DCAF4: variants seen among roughly 807,000 people sequenced by gnomAD.
DCAF4 encodes DDB1- and CUL4-associated factor 4.
In DCAF4, 37 loss-of-function variants were observed where a neutral mutation model predicts 60.9. The ratio of observed to expected loss-of-function variants is 0.61; its 90% CI spans 0.47 to 0.80. The LOEUF (loss-of-function observed/expected upper bound fraction) is 0.80, where lower values mean the gene tolerates loss of function less well. DCAF4 is among the 30% of genes least tolerant of loss of function. The pLI is 0.00. For missense variants in DCAF4, 577 were observed against 650.0 expected, an observed-to-expected ratio of 0.89 and a Z score of 1.22; for synonymous variants, 243 against 254.8, an observed-to-expected ratio of 0.95 and a Z score of 0.44.
At chr14:72,935,935 T>C (rs555448205) in intron 1 of DCAF4, among the ~76,000 whole-genome samples, 14 of 152,254 alleles carry the variant, frequency 9.2e-5, no homozygotes, top group African/African-American at 3.1e-4. Flanking sequence ...TTTATGTCAG[T>C]AGAGTTTATT....
Position 72,959,376 on chromosome 14 carries a change from T to A in DCAF4, c.*571T>A, listed in dbSNP as rs532917932. ...CAGCAGATCTCCGGGATTCTGCTGT[T>A]ATTATCCAAAGGCGTTGGAAGGAAA... On this transcript the variant is annotated 3_prime_UTR_variant, in exon 14 of 14. Coordinates refer to ENST00000358377, the MANE Select transcript of DCAF4 (RefSeq NM_015604.4). The A allele has an allele frequency of 1.0e-6, 1 of 985,534 alleles. No homozygotes were observed. The highest frequency in any genetic ancestry group is 1.7e-5 in the African/African-American group (1 of 57,370). 61.0% of individuals were successfully genotyped at this position (985,534 alleles called of 1,614,324 possible).
At chr14:72,954,727 G>A (rs1892047980) in intron 11 of DCAF4, among the ~76,000 whole-genome samples, 1 of 152,114 alleles carries the variant, frequency 6.6e-6, no homozygotes, top group African/African-American at 2.4e-5. Flanking sequence ...CAGTTCTTGG[G>A]TACTTGGATT....
downstream of DCAF4, chr14:72,960,855 A>C: frequency 5.8e-6 from 1 of 172,848 alleles, no homozygotes. Context: ...GCTAATAAGC[A>C]CCTACTGTAT....
downstream of DCAF4, chr14:72,961,710 T>G (rs542269064): frequency 2.0e-5 from 11 of 550,622 alleles, no homozygotes; most frequent in Admixed American, 6.4e-5. Context: ...GCTCAGGACA[T>G]TTGAGGATTG....
At chr14:72,953,345 T>G (rs941337591) in intron 9 of DCAF4, among the ~76,000 whole-genome samples, 1 of 152,082 alleles carries the variant, frequency 6.6e-6, no homozygotes, top group Non-Finnish European at 1.5e-5. Flanking sequence ...CATGGCTATA[T>G]TTAGTTTGTG....
At chr14:72,961,926 C>T (rs1892836088), downstream of DCAF4, 2 of 1,144,866 alleles carry the variant, frequency 1.7e-6, no homozygotes, top group Non-Finnish European at 2.2e-6. Context: ...GGTTTGGCTA[C>T]CGCGGGAACA....
chr14:72,960,104 G>C (rs913856571), downstream of DCAF4, among the ~76,000 whole-genome samples: 11 of 143,010 alleles, frequency 7.7e-5, no homozygotes, highest in Admixed American at 2.3e-4. Flanking sequence ...TTACCCACTT[G>C]AATGTTTCCT....
intron 8 of DCAF4, among the ~76,000 whole-genome samples, chr14:72,947,655 C>T (rs1425822716): frequency 3.3e-5 from 5 of 152,246 alleles, no homozygotes; most frequent in African/African-American, 1.2e-4. Flanking sequence ...CCAGCTCCTC[C>T]TGAGGCCAGG....
intron 6 of DCAF4, among the ~76,000 whole-genome samples, chr14:72,944,789 C>A (rs1208353052): frequency 6.6e-6 from 1 of 151,744 alleles, no homozygotes; most frequent in Non-Finnish European, 1.5e-5. Flanking sequence ...AAGACTCTGT[C>A]TCAAGAGAAA....
intron 3 of DCAF4, 48 bp from the exon 4 acceptor site, chr14:72,940,172 T>A: frequency 6.2e-7 from 1 of 1,609,200 alleles, no homozygotes; most frequent in Non-Finnish European, 8.5e-7. Context: ...ACTCAGGTGG[T>A]CAGTTCACAG....
rs1459013188 is a variant in DCAF4, at chr14:72,958,824, A to G, written c.*19A>G. 1 of 1,526,916 alleles carries G rather than the reference A, an allele frequency of 6.5e-7. No homozygotes were observed. The highest frequency in any genetic ancestry group is 1.4e-5 in the African/African-American group (1 of 71,894). The allele number at this position is 1,526,916 out of a possible 1,614,324, so 94.6% of individuals were successfully genotyped here. On this transcript the variant is annotated 3_prime_UTR_variant, in exon 14 of 14. Transcript: ENST00000358377. The stretch of plus-strand genomic sequence containing the variant: ...CAGCTAATTCTGCAGGGCACAGCCC[A>G]GAGCCATGTGGATTTGACTTACGGG...
At position 72,956,486 on chromosome 14, in the gene DCAF4, G is replaced by A; in HGVS notation, c.1280G>A (p.Gly427Glu). 2 of 1,612,084 alleles carry A rather than the reference G, an allele frequency of 1.2e-6. No individual in the cohort carries two copies. Among genetic ancestry groups the A allele is most frequent in the South Asian group, 2.2e-5 (2 of 90,594 alleles). Residue 427 changes from glycine to glutamate, a missense_variant, in exon 13 of 14, where the codon GGA (glycine) becomes GAA (glutamate). Transcript: ENST00000358377. Reference sequence around the variant, plus strand: ...CCCCTGCATGTGCACGAGGAAGAAGGAATCCTGGTGGCAGGTACTTGAGGA... The same window carrying A: ...CCCCTGCATGTGCACGAGGAAGAAGAAATCCTGGTGGCAGGTACTTGAGGA... Reference protein sequence around the residue: ...YLPLHVHEEEGILVAVGQDCY... With the variant: ...YLPLHVHEEEEILVAVGQDCY...
At chr14:72,928,361 C>T (rs10873253) in intron 1 of DCAF4, among the ~76,000 whole-genome samples, 142,313 of 151,198 alleles carry the variant, frequency 0.94, 67,089 homozygotes, top group East Asian at 1. Context: ...GCCCGGCTAA[C>T]TTTTTGTATT....
chr14:72,931,872 C>T (rs1032062501), intron 1 of DCAF4, among the ~76,000 whole-genome samples: 12 of 151,890 alleles, frequency 7.9e-5, no homozygotes, highest in Admixed American at 1.3e-4. Context: ...AGATAAATCG[C>T]GCTTGGTCTT....
chr14:72,945,679 A>G (rs1464568008), intron 6 of DCAF4, among the ~76,000 whole-genome samples: 1 of 152,138 alleles, frequency 6.6e-6, no homozygotes, highest in African/African-American at 2.4e-5. Flanking sequence ...TTGAATTGTT[A>G]GATCAGACAC....
At chr14:72,932,880 T>TTTTCTTTC (rs142782008) in intron 1 of DCAF4, among the ~76,000 whole-genome samples, 1 of 151,362 alleles carries the variant, frequency 6.6e-6, no homozygotes, top group African/African-American at 2.4e-5. Context: ...AATAATTTTT[T>TTTTCTTTC]TTTCTTTCTT....
intron 8 of DCAF4, 74 bp from the exon 9 acceptor site, chr14:72,951,724 T>C: frequency 1.4e-6 from 2 of 1,465,956 alleles, no homozygotes; most frequent in Non-Finnish European, 1.9e-6. Flanking sequence ...CGTATGACTT[T>C]CTGAAGGGTA....
At chr14:72,961,988 C>G (rs1305691849), downstream of DCAF4, 47 of 1,114,778 alleles carry the variant, frequency 4.2e-5, no homozygotes, top group Non-Finnish European at 4.5e-6. Flanking sequence ...ACCCACTTCC[C>G]TCTGTTCTAA....
chr14:72,942,292 T>G (rs563567137), intron 5 of DCAF4: 2 of 157,096 alleles, frequency 1.3e-5, no homozygotes, highest in South Asian at 3.9e-4. Flanking sequence ...CCCCATTTCC[T>G]GAAGAAGAGA....
Sources: allele counts gnomAD v4.1 joint callset (sites outside exome capture counted in the v4.1 genomes callset), GRCh38; gene constraint gnomAD v4.1.1; transcripts MANE v1.5; gene names NCBI Gene and HGNC (gene_info 2026-07-23, HGNC 2026-07-21).